KCNJ6: variants seen among roughly 807,000 people sequenced by gnomAD.
KCNJ6 encodes the protein G protein-activated inward rectifier potassium channel 2.
In KCNJ6, 9 loss-of-function variants were observed where a neutral mutation model predicts 34.2. The observed-to-expected ratio is 0.26, with a 90% CI of 0.16 to 0.46. The LOEUF is 0.46. Among genes scored for constraint, KCNJ6 ranks in the 20% least tolerant of loss-of-function variants. KCNJ6 has a pLI of 1.00. For synonymous variants in KCNJ6, 196 were observed against 207.1 expected (o/e 0.95, Z 0.46); for missense variants, 236 against 531.3 (o/e 0.44, Z 5.46).
At chr21:37,661,663 G>C (rs1430707230) in intron 3 of KCNJ6, among the ~76,000 whole-genome samples, 1 of 111,382 alleles carries the variant, frequency 9.0e-6, no homozygotes, top group Non-Finnish European at 1.7e-5. Flanking sequence ...TCTCTCTGTC[G>C]CCCAGGCTGG....
At chr21:37,856,161 G>T (rs762153687) in intron 1 of KCNJ6, among the ~76,000 whole-genome samples, 7 of 152,160 alleles carry the variant, frequency 4.6e-5, no homozygotes, top group African/African-American at 7.2e-5. Flanking sequence ...ATCATTTCCG[G>T]AAGCTCTTCA....
At chr21:37,856,052 G>A (rs1191989594) in intron 1 of KCNJ6, among the ~76,000 whole-genome samples, 1 of 152,138 alleles carries the variant, frequency 6.6e-6, no homozygotes, top group Non-Finnish European at 1.5e-5. Context: ...ATCCTCCCTG[G>A]GACTGGGTGC....
At chr21:37,704,220 T>A (rs958931342) in intron 3 of KCNJ6, among the ~76,000 whole-genome samples, 5 of 134,472 alleles carry the variant, frequency 3.7e-5, no homozygotes, top group Non-Finnish European at 6.8e-5. Context: ...GTGTCGGACC[T>A]CACGAATCCT....
rs970773844 is a variant in KCNJ6 at position 37,608,316 on chromosome 21, G to A, written c.*16843C>T. The A allele has an allele frequency of 6.6e-6, 1 of 152,182 alleles. No individual in the cohort carries two copies. Among genetic ancestry groups the A allele is most frequent in the Non-Finnish European group, 1.5e-5 (1 of 68,078 alleles). 9.4% of individuals were successfully genotyped at this position (152,182 alleles called of 1,614,324 possible). ...TGCAAACTGAAATGCCTTTGCTTTTGGATCTCTCTCTCTCTTTTTAAAATA... is the reference window on the plus strand; with the variant it reads ...TGCAAACTGAAATGCCTTTGCTTTTAGATCTCTCTCTCTCTTTTTAAAATA... On this transcript the variant is annotated 3_prime_UTR_variant, in exon 4 of 4. Transcript: ENST00000609713.
chr21:37,854,348 T>C (rs2055553742), intron 1 of KCNJ6, among the ~76,000 whole-genome samples: 1 of 152,014 alleles, frequency 6.6e-6, no homozygotes, highest in African/African-American at 2.4e-5. Flanking sequence ...AATTACATAA[T>C]AATAAAGATT....
chr21:37,853,861 T>TATATATATATATATATAA (rs940498600), intron 1 of KCNJ6, among the ~76,000 whole-genome samples: 3 of 146,724 alleles, frequency 2.0e-5, no homozygotes, highest in Middle Eastern at 3.6e-3. Context: ...TATATATATA[T>TATATATATATATATATAA]AAATTACATT....
intron 2 of KCNJ6, among the ~76,000 whole-genome samples, chr21:37,755,183 G>A (rs149691330): frequency 4.0e-4 from 61 of 152,076 alleles, no homozygotes; most frequent in African/African-American, 1.3e-3. Flanking sequence ...ACCGTGGAAG[G>A]AACAGAAATT....
chr21:37,684,058 C>A (rs904571346), intron 3 of KCNJ6, among the ~76,000 whole-genome samples: 21 of 152,336 alleles, frequency 1.4e-4, no homozygotes, highest in Middle Eastern at 6.8e-3. Context: ...TCAAACTGCC[C>A]TATAATTGTT....
At chr21:37,775,259 C>T (rs2055136664) in intron 2 of KCNJ6, among the ~76,000 whole-genome samples, 1 of 152,134 alleles carries the variant, frequency 6.6e-6, no homozygotes, top group South Asian at 2.1e-4. Flanking sequence ...AGCCCTTTGT[C>T]AGGTGAGTAG....
intron 2 of KCNJ6, among the ~76,000 whole-genome samples, chr21:37,806,830 T>C (rs906518355): frequency 1.3e-5 from 2 of 152,180 alleles, no homozygotes; most frequent in African/African-American, 4.8e-5. Flanking sequence ...AAATGAAACA[T>C]AAAAATAACT....
chr21:37,830,664 C>T (rs1011103915), intron 2 of KCNJ6, among the ~76,000 whole-genome samples: 2 of 152,110 alleles, frequency 1.3e-5, no homozygotes, highest in African/African-American at 4.8e-5. Flanking sequence ...GAGTTTCTTA[C>T]CAACCAAGTA....
rs552247523 is a variant in KCNJ6 at position 37,624,686 on chromosome 21, A to G, written c.*473T>C. On this transcript the variant is annotated 3_prime_UTR_variant, in exon 4 of 4. Coordinates refer to ENST00000609713, the MANE Select transcript of KCNJ6 (RefSeq NM_002240.5). ...TGGGCCCTGTAACTGCCACACCCAC[A>G]TGGGGGCAAGCACCTCACCCTGTAG... 6.1e-6 allele frequency: 1 copy of G among 163,888 alleles called. No individual in the cohort carries two copies. Among genetic ancestry groups the G allele is most frequent in the African/African-American group, 2.4e-5 (1 of 41,698 alleles). 10.2% of individuals were successfully genotyped at this position (163,888 alleles called of 1,614,324 possible).
At chr21:37,759,220 C>T (rs765372399) in intron 2 of KCNJ6, among the ~76,000 whole-genome samples, 1 of 152,200 alleles carries the variant, frequency 6.6e-6, no homozygotes, top group East Asian at 1.9e-4. Flanking sequence ...CTGTCCTACT[C>T]TCGCCAGCTC....
chr21:37,816,950 T>C (rs1428652974), intron 2 of KCNJ6, among the ~76,000 whole-genome samples: 2 of 152,216 alleles, frequency 1.3e-5, no homozygotes, highest in Non-Finnish European at 2.9e-5. Context: ...CTGTCCCCTT[T>C]CTGGGAGTTT....
intron 2 of KCNJ6, among the ~76,000 whole-genome samples, chr21:37,727,829 A>AT (rs1356594810): frequency 2.0e-5 from 3 of 152,176 alleles, no homozygotes; most frequent in Non-Finnish European, 4.4e-5. Context: ...AAACTGGCTC[A>AT]TTTTTGAGTG....
Position 37,714,182 on chromosome 21 carries a change from C to T in KCNJ6, c.946+29G>A, listed in dbSNP as rs753798269. ...CAGTTTAAAATGAGCATCTATCCCACAGCCATCCCAGGATAGAACACATCT... is the reference window on the plus strand; with the variant it reads ...CAGTTTAAAATGAGCATCTATCCCATAGCCATCCCAGGATAGAACACATCT... On this transcript the variant is annotated intron_variant, in intron 3 of 3. Transcript: ENST00000609713. This position sits in a 1 kb window ranked among gnomAD's most constrained non-coding sequence, Gnocchi z 5.9. 3.3e-6 allele frequency: 5 copies of T among 1,505,736 alleles called. No homozygotes were observed. The highest frequency in any genetic ancestry group is 3.7e-6 in the Non-Finnish European group (4 of 1,090,334). 93.3% of individuals were successfully genotyped at this position (1,505,736 alleles called of 1,614,324 possible).
chr21:37,712,861 C>T (rs1035802146), intron 3 of KCNJ6, among the ~76,000 whole-genome samples: 8 of 151,184 alleles, frequency 5.3e-5, no homozygotes, highest in Admixed American at 5.3e-4. Context: ...GCTCAAGGTA[C>T]AGATAGTCCT....
chr21:37,753,698 A>T (rs1206709047), intron 2 of KCNJ6, among the ~76,000 whole-genome samples: 2 of 152,206 alleles, frequency 1.3e-5, no homozygotes, highest in African/African-American at 4.8e-5. Flanking sequence ...CATATTTGTT[A>T]GTGCCTGTTA....
intron 2 of KCNJ6, among the ~76,000 whole-genome samples, chr21:37,738,270 A>G (rs1301182585): frequency 6.6e-6 from 1 of 152,138 alleles, no homozygotes; most frequent in Non-Finnish European, 1.5e-5. Context: ...TGTCTACTGC[A>G]ATGCTGTTTG....
Sources: allele counts gnomAD v4.1 joint callset (sites outside exome capture counted in the v4.1 genomes callset), GRCh38; gene constraint gnomAD v4.1.1; non-coding constraint Gnocchi (gnomAD v3.1); transcripts MANE v1.5; gene names NCBI Gene and HGNC (gene_info 2026-07-23, HGNC 2026-07-21).